The following NEB variants were observed in gnomAD, a reference collection of about 807,000 sequenced individuals.
The protein encoded by NEB is nemaline myopathy type 2.
A neutral mutation model predicts 952.2 loss-of-function variants in NEB; 512 were observed. The observed-to-expected ratio is 0.54, with a 90% CI of 0.50 to 0.58. The LOEUF is 0.58. NEB is among the 20% of genes least tolerant of loss of function. The pLI is 0.00. For missense variants in NEB, 8,428 were observed against 9,231.1 expected (o/e 0.91, Z 3.56); for synonymous variants, 2,900 against 3,149.8 (o/e 0.92, Z 2.66).
intron 120 of NEB, 87 bp downstream of exon 120, chr2:151,562,524 C>A (rs2288209): frequency 1.2e-5 from 15 of 1,296,336 alleles, no homozygotes; most frequent in Non-Finnish European, 1.4e-5. Flanking sequence ...ACAGGGACAA[C>A]GGGAGCATGG....
At chr2:151,526,414 GT>G (rs1250848752) in intron 148 of NEB, among the ~76,000 whole-genome samples, 152 bp from the exon 149 acceptor site, 1 of 152,112 alleles carries the variant, frequency 6.6e-6, no homozygotes, top group Non-Finnish European at 1.5e-5. Context: ...ATTCAAAAGG[GT>G]TTTTTCCTTA....
rs576167442 is a variant in NEB at position 151,547,847 on chromosome 2, G to A, written c.20158-109C>T. On this transcript the variant is annotated intron_variant, in intron 131 of 181. Coordinates refer to ENST00000397345, the MANE Select transcript of NEB (RefSeq NM_001164508.2). ...CATAAGGAAGAGGGGAGGAAATATCGAGGATATAGAAAATGATTGAGATTA... is the reference window on the plus strand; with the variant it reads ...CATAAGGAAGAGGGGAGGAAATATCAAGGATATAGAAAATGATTGAGATTA... The A allele has an allele frequency of 1.9e-4, 134 of 714,120 alleles. 1 individual carries two copies. The highest frequency in any genetic ancestry group is 7.3e-4 in the Middle Eastern group (2 of 2,752). The allele number at this position is 714,120 out of a possible 1,614,324, so 44.2% of individuals were successfully genotyped here.
chr2:151,553,696 G>A, intron 126 of NEB, 132 bp downstream of exon 126: 1 of 1,011,242 alleles, frequency 9.9e-7, no homozygotes, highest in South Asian at 1.7e-5. Flanking sequence ...CTGAAGTCAA[G>A]TTGGACAAAT....
chr2:151,562,102 T>G lies in NEB; in HGVS notation c.18996+8A>C. 6.2e-7 allele frequency: 1 copy of G among 1,608,860 alleles called. No individual in the cohort carries two copies. Among genetic ancestry groups the G allele is most frequent in the Non-Finnish European group, 8.5e-7 (1 of 1,175,402 alleles). ...TGGAGAACCAGTCCTTCTAGGAAGG[T>G]GGCTCACCTGACTCTGAAGGTCGTA... On this transcript the variant is annotated splice_region_variant and intron_variant, in intron 121 of 181. Coordinates refer to ENST00000397345, the MANE Select transcript of NEB (RefSeq NM_001164508.2).
chr2:151,695,579 T>C lies in NEB; in HGVS notation c.1673A>G (p.Asp558Gly), dbSNP rs752094861. Reference protein sequence around the residue: ...QHKVNAYNLSDNLYKQDWEKS... With the variant: ...QHKVNAYNLSGNLYKQDWEKS... ...TGGTACAGGGCATAAGGAACTTACA[T>C]CACTCAAGTTATAGGCATTGACTTT... The change falls in exon 18 of 182, where the codon GAT becomes GGT. Residue 558 changes from aspartate to glycine, a missense_variant and splice_region_variant. Asp to Gly is a moderately conservative substitution (Grantham distance 94). This residue lies in a region of NEB where 2,851 missense variants were observed against 2,791.5 expected (regional missense o/e 1.02). Coordinates refer to ENST00000397345, the MANE Select transcript of NEB (RefSeq NM_001164508.2). The C allele has an allele frequency of 3.7e-6, 6 of 1,611,318 alleles. No individual in the cohort carries two copies. The highest frequency in any genetic ancestry group is 5.1e-6 in the Non-Finnish European group (6 of 1,177,598).
intron 62 of NEB, 142 bp from the exon 63 acceptor site, chr2:151,639,526 G>T (rs2098821434): frequency 1.7e-6 from 1 of 601,264 alleles, no homozygotes; most frequent in African/African-American, 1.9e-5. Context: ...ACATCTTCGG[G>T]TAATAAGTTC....
At chr2:151,498,565 A>T (rs1346129716) in intron 169 of NEB, among the ~76,000 whole-genome samples, 1 of 152,198 alleles carries the variant, frequency 6.6e-6, no homozygotes, top group Non-Finnish European at 1.5e-5. Context: ...AAGAAATAGG[A>T]AAAGAAAGGT....
At chr2:151,562,298 C>T (rs2096117065) in intron 120 of NEB, 84 bp from the exon 121 acceptor site, 2 of 1,194,940 alleles carry the variant, frequency 1.7e-6, no homozygotes, top group South Asian at 2.4e-5. Context: ...CAGCTGTTGG[C>T]TGTGCTTATT....
chr2:151,491,378 A>G (rs533286934), intron 179 of NEB: 27 of 260,700 alleles, frequency 1.0e-4, no homozygotes, highest in Admixed American at 8.4e-4. Context: ...CCCTTTGCCT[A>G]TGTATTTTAT....
intron 153 of NEB, 147 bp downstream of exon 153, chr2:151,524,164 A>T: frequency 1.5e-6 from 1 of 649,788 alleles, no homozygotes; most frequent in Admixed American, 2.8e-5. Context: ...AAAGGCCCTC[A>T]GTGCACTTTT....
chr2:151,613,344 T>A (rs11892439), intron 77 of NEB, among the ~76,000 whole-genome samples: 45,558 of 152,136 alleles, frequency 0.3, 7,548 homozygotes, highest in Non-Finnish European at 0.39. Context: ...TTCCTATAAG[T>A]TAAATAGACA....
intron 10 of NEB, 45 bp from the exon 11 acceptor site, chr2:151,710,583 T>C (rs1160206945): frequency 8.4e-7 from 1 of 1,190,306 alleles, no homozygotes; most frequent in South Asian, 1.5e-5. Flanking sequence ...ACTCATGAAT[T>C]GACAAATAAG....
chr2:151,655,677 G>A lies in NEB; in HGVS notation c.6702+140C>T. On this transcript the variant is annotated intron_variant, in intron 50 of 181. Coordinates refer to ENST00000397345, the MANE Select transcript of NEB (RefSeq NM_001164508.2). ...AAAAAATAAGAGATGGGCAGAAGAA[G>A]ATGGTGTAGGGGAATGATCTGGAAT... 3 of 791,630 alleles carry A rather than the reference G, an allele frequency of 3.8e-6. 1 individual carries two copies. In the South Asian group the frequency reaches 6.5e-5, roughly 17 times the overall value. The allele number at this position is 791,630 out of a possible 1,614,324, so 49.0% of individuals were successfully genotyped here. A position where few individuals can be genotyped will look rare whatever the true frequency, so the allele number is the denominator to read the frequency against.
intron 65 of NEB, among the ~76,000 whole-genome samples, 182 bp downstream of exon 65, chr2:151,633,472 T>C (rs2098706513): frequency 6.6e-6 from 1 of 152,250 alleles, no homozygotes; most frequent in South Asian, 2.1e-4. Context: ...ACTTTGTTAA[T>C]TTTACTTTCT....
chr2:151,664,439 A>T lies in NEB; in HGVS notation c.5451+62T>A, dbSNP rs866078966. 7 of 1,265,962 alleles carry T rather than the reference A, an allele frequency of 5.5e-6. No homozygotes were observed. The Middle Eastern group carries it at 9.7e-4, about 176-fold the overall frequency. 78.4% of individuals were successfully genotyped at this position (1,265,962 alleles called of 1,614,324 possible). On this transcript the variant is annotated intron_variant, in intron 44 of 181. Transcript: ENST00000397345. Reference sequence around the variant, plus strand: ...AGCTGACCACTGCTCCTACATACACACAAGCTTAGCGCATTTGTTCTTACT... The same window carrying T: ...AGCTGACCACTGCTCCTACATACACTCAAGCTTAGCGCATTTGTTCTTACT...
chr2:151,563,072 T>C (rs2096180777), intron 119 of NEB, among the ~76,000 whole-genome samples: 1 of 144,618 alleles, frequency 6.9e-6, no homozygotes, highest in Non-Finnish European at 1.5e-5. Flanking sequence ...TGGATTGCAA[T>C]GGTGTGATCT....
At position 151,561,272 on chromosome 2, in the gene NEB, T is replaced by C. The variant is rs921741309; in HGVS notation, c.19037A>G (p.Tyr6346Cys). 1 of 1,605,470 alleles carries C rather than the reference T, an allele frequency of 6.2e-7. No individual in the cohort carries two copies. The highest frequency in any genetic ancestry group is 1.1e-5 in the South Asian group (1 of 89,612). ...TAAGKENLQNYNLVTDTPLYV... is the reference protein window; with the variant it reads ...TAAGKENLQNCNLVTDTPLYV... ...GAGGGGCGTGTCTGTGACCAGATTA[T>C]AGTTTTGTAGATTTTCTTTACCTGC... Residue 6346 changes from tyrosine (Y) to cysteine (C), a missense_variant, in exon 122 of 182, where the codon TAT becomes TGT. This residue lies in a region of NEB where 3,374 missense variants were observed against 3,651.5 expected (regional missense o/e 0.92). Coordinates refer to ENST00000397345, the MANE Select transcript of NEB (RefSeq NM_001164508.2).
rs1199519662 is a variant in NEB, at chr2:151,569,291, G to C, written c.17512C>G (p.His5838Asp). The change falls in exon 110 of 182, where the codon CAT becomes GAT. Residue 5838 changes from histidine to aspartate, a missense_variant. Physicochemically the swap from His to Asp is moderately conservative, Grantham distance 81 (BLOSUM62 -1). Transcript: ENST00000397345. The stretch of plus-strand genomic sequence containing the variant: ...ACCTCACTGAAGATGTCCGCGGCAT[G>C]TTTGGCATGATTGACGGACACGGAG... ...NDSVSVNHAK[H>D]AADIFSEKKY... The C allele has an allele frequency of 2.5e-6, 4 of 1,613,884 alleles. No homozygotes were observed. Among genetic ancestry groups the C allele is most frequent in the Non-Finnish European group, 3.4e-6 (4 of 1,179,802 alleles).
intron 128 of NEB, 48 bp downstream of exon 128, chr2:151,552,624 T>A: frequency 1.5e-6 from 2 of 1,355,960 alleles, no homozygotes; most frequent in Non-Finnish European, 2.1e-6. Context: ...GCTTGAGTGG[T>A]GGCCCTGCTT....
Sources: allele counts gnomAD v4.1 joint callset (sites outside exome capture counted in the v4.1 genomes callset), GRCh38; gene constraint gnomAD v4.1.1; regional missense constraint gnomAD v4.1.1; transcripts MANE v1.5; gene names NCBI Gene and HGNC (gene_info 2026-07-23, HGNC 2026-07-21).